Variants in HACL1 observed in about 807,000 individuals in gnomAD.
HACL1 encodes 1600020H07Rik.
In HACL1, 64 loss-of-function variants were observed where a neutral mutation model predicts 74.2. The ratio of observed to expected loss-of-function variants is 0.86; its 90% CI spans 0.70 to 1.06. HACL1 has a LOEUF of 1.06. HACL1 is among the 50% of genes least tolerant of loss of function. The probability of loss-of-function intolerance (pLI) is 0.00; values close to 1 mark genes in which losing one functional copy is unlikely to be tolerated. For missense variants in HACL1, 728 were observed against 719.7 expected, an observed-to-expected ratio of 1.01 and a Z score of -0.13; for synonymous variants, 230 against 238.8, an observed-to-expected ratio of 0.96 and a Z score of 0.34.
chr3:15,587,725 A>G (rs2063818908), intron 5 of HACL1, among the ~76,000 whole-genome samples: 1 of 152,228 alleles, frequency 6.6e-6, no homozygotes, highest in Non-Finnish European at 1.5e-5. Context: ...GTTATCGTCT[A>G]CTATTAACTA....
intron 8 of HACL1, among the ~76,000 whole-genome samples, chr3:15,582,658 G>A (rs948476552): frequency 6.6e-6 from 1 of 152,068 alleles, no homozygotes; most frequent in South Asian, 2.1e-4. Context: ...TCACTAATAA[G>A]ACCAAAGAAA....
In HACL1 at chr3:15,586,790, G is replaced by C. The variant is rs902459429; in HGVS notation, c.382-188C>G. Among the ~76,000 whole-genome samples the C allele has an allele frequency of 3.2e-4, 48 of 152,188 alleles. 1 individual carries two copies. Among genetic ancestry groups the C allele is most frequent in the African/African-American group, 1.2e-3 (48 of 41,544 alleles). On this transcript the variant is annotated intron_variant, in intron 5 of 16. Coordinates refer to ENST00000321169, the MANE Select transcript of HACL1 (RefSeq NM_012260.4). ...TTTGCCTTGGTATGATTCAGGAAGC[G>C]TATCATACCAAAGATGCAAAATCTT...
Position 15,601,379 on chromosome 3 carries a change from G to A in HACL1, c.81+4C>T, listed in dbSNP as rs1206019176. The stretch of plus-strand genomic sequence containing the variant: ...GCCTTTCATTCCAGGAAGGTCCATC[G>A]TACTTGCGTTTTCAGGGCCTGAGCG... On this transcript the variant is annotated splice_donor_region_variant and intron_variant, in intron 1 of 16. Coordinates refer to ENST00000321169, the MANE Select transcript of HACL1 (RefSeq NM_012260.4). The A allele has an allele frequency of 2.5e-6, 4 of 1,613,932 alleles. No individual in the cohort carries two copies. The highest frequency in any genetic ancestry group is 1.3e-5 in the African/African-American group (1 of 74,928).
At chr3:15,587,059 C>A (rs1055672179) in intron 5 of HACL1, among the ~76,000 whole-genome samples, 11 of 152,088 alleles carry the variant, frequency 7.2e-5, no homozygotes, top group Non-Finnish European at 1.5e-4. Flanking sequence ...TATATACTTT[C>A]TTGCTATGGT....
chr3:15,581,115 T>C (rs888280630), intron 8 of HACL1, among the ~76,000 whole-genome samples: 18 of 152,228 alleles, frequency 1.2e-4, no homozygotes, highest in African/African-American at 4.1e-4. Context: ...TTGGCCAGGA[T>C]GGTCTCGAAC....
chr3:15,592,389 C>A (rs1574942615), intron 3 of HACL1, among the ~76,000 whole-genome samples: 1 of 150,622 alleles, frequency 6.6e-6, no homozygotes, highest in African/African-American at 2.4e-5. Context: ...CGTATACACA[C>A]ACGTGTATAC....
At position 15,579,892 on chromosome 3, in the gene HACL1, A is replaced by T; in HGVS notation, c.803+18T>A. On this transcript the variant is annotated intron_variant, in intron 9 of 16. Transcript: ENST00000321169. ...AATCTACCAAGCCATTGTATTTAAA[A>T]TCTGGAATGCCACACACCTGGATCT... The T allele has an allele frequency of 1.3e-6, 2 of 1,536,432 alleles. No homozygotes were observed. The highest frequency in any genetic ancestry group is 1.8e-6 in the Non-Finnish European group (2 of 1,138,278).
chr3:15,599,579 C>A (rs1191168363), intron 2 of HACL1, among the ~76,000 whole-genome samples: 1 of 152,156 alleles, frequency 6.6e-6, no homozygotes, highest in Non-Finnish European at 1.5e-5. Flanking sequence ...CTACCAGTCT[C>A]ACAGCTCACC....
At chr3:15,589,905 G>A (rs2125273895) in intron 4 of HACL1, among the ~76,000 whole-genome samples, 1 of 151,832 alleles carries the variant, frequency 6.6e-6, no homozygotes, top group African/African-American at 2.4e-5. Flanking sequence ...CGTGCTGGTG[G>A]GCGCCTGTAA....
chr3:15,582,796 A>G (rs886614608), intron 8 of HACL1, 81 bp downstream of exon 8: 15 of 687,620 alleles, frequency 2.2e-5, no homozygotes, highest in Non-Finnish European at 3.9e-5. Context: ...ATTAGAATAG[A>G]CATTAATAAA....
At chr3:15,584,107 A>C (rs2063754666) in intron 7 of HACL1, among the ~76,000 whole-genome samples, 1 of 152,222 alleles carries the variant, frequency 6.6e-6, no homozygotes, top group African/African-American at 2.4e-5. Flanking sequence ...ATACTGTATA[A>C]AATTTAGACA....
At chr3:15,594,401 C>G (rs2064019504) in intron 3 of HACL1, among the ~76,000 whole-genome samples, 1 of 151,992 alleles carries the variant, frequency 6.6e-6, no homozygotes, top group Non-Finnish European at 1.5e-5. Flanking sequence ...GAGTGAGACT[C>G]CAAATAAATA....
chr3:15,593,734 T>C lies in HACL1; in HGVS notation c.228-2054A>G, dbSNP rs144111157. Among the ~76,000 whole-genome samples, 741 of 152,060 alleles carry C rather than the reference T, an allele frequency of 4.9e-3. 5 individuals carry two copies. Among genetic ancestry groups the C allele is most frequent in the African/African-American group, 0.016 (667 of 41,536 alleles). On this transcript the variant is annotated intron_variant, in intron 3 of 16. Coordinates refer to ENST00000321169, the MANE Select transcript of HACL1 (RefSeq NM_012260.4). ...AATAAATATAACGTCGACTGATCTT[T>C]GATAGGAAAGTAATTCTGAATGCAG...
At chr3:15,570,465 A>T (rs576806784) in intron 12 of HACL1, among the ~76,000 whole-genome samples, 8 of 151,998 alleles carry the variant, frequency 5.3e-5, no homozygotes, top group Admixed American at 5.2e-4. Context: ...AGTGAGCATA[A>T]CTCAAATTTT....
intron 8 of HACL1, among the ~76,000 whole-genome samples, chr3:15,581,276 T>A (rs1435139779): frequency 1.3e-5 from 2 of 152,240 alleles, no homozygotes; most frequent in East Asian, 3.8e-4. Context: ...ACATTAAAAA[T>A]ACCTTATTGT....
intron 13 of HACL1, 88 bp downstream of exon 13, chr3:15,568,344 T>G: frequency 1.2e-6 from 1 of 832,702 alleles, no homozygotes; most frequent in Non-Finnish European, 1.9e-6. Flanking sequence ...GTATTAATTC[T>G]CAAACGTCTT....
At chr3:15,585,372 T>C (rs750308852) in intron 6 of HACL1, 30 bp from the exon 7 acceptor site, 3 of 1,205,878 alleles carry the variant, frequency 2.5e-6, no homozygotes, top group South Asian at 2.5e-5. Flanking sequence ...AAGAAAAGAT[T>C]TGTAAAATCT....
At chr3:15,597,938 G>A (rs1227933660) in intron 2 of HACL1, among the ~76,000 whole-genome samples, 3 of 151,978 alleles carry the variant, frequency 2.0e-5, no homozygotes, top group Non-Finnish European at 4.4e-5. Flanking sequence ...ACAACAACAC[G>A]TAACAAAAAG....
intron 3 of HACL1, 123 bp from the exon 4 acceptor site, chr3:15,591,803 G>C (rs2063901139): frequency 1.8e-6 from 1 of 566,282 alleles, no homozygotes; most frequent in Non-Finnish European, 3.2e-6. Context: ...TACTATAACT[G>C]ATAAAACAAT....
Sources: gnomAD v4.1 joint callset for allele counts (sites outside exome capture counted in the v4.1 genomes callset) on GRCh38, gnomAD v4.1.1 for gene constraint, MANE v1.5 for transcripts, NCBI Gene and HGNC (gene_info 2026-07-23, HGNC 2026-07-21) for gene names.